The following CNTLN variants were observed in gnomAD, a reference collection of about 807,000 sequenced individuals.
CNTLN encodes centlein, centrosomal protein.
CNTLN carries 212 observed loss-of-function variants against 180.0 expected under a neutral mutation model. The ratio of observed to expected loss-of-function variants is 1.18; its 90% CI spans 1.05 to 1.32. The LOEUF (loss-of-function observed/expected upper bound fraction) is 1.32. Ranked by LOEUF, CNTLN falls within the 40% of genes most tolerant of loss-of-function variation. The probability of loss-of-function intolerance (pLI) is 0.00; values close to 1 mark genes in which losing one functional copy is unlikely to be tolerated. For missense variants in CNTLN, 2,095 were observed against 1,610.9 expected (o/e 1.30, Z -5.14); for synonymous variants, 722 against 563.1 (o/e 1.28, Z -3.99).
chr9:17,425,918 T>C (rs952204011), intron 18 of CNTLN, among the ~76,000 whole-genome samples: 2 of 152,302 alleles, frequency 1.3e-5, no homozygotes, highest in African/African-American at 4.8e-5. Flanking sequence ...TTATTAAGCA[T>C]AAGTATACCA....
At chr9:17,358,169 G>A (rs1823000355) in intron 12 of CNTLN, among the ~76,000 whole-genome samples, 1 of 151,934 alleles carries the variant, frequency 6.6e-6, no homozygotes, top group African/African-American at 2.4e-5. Context: ...CATGAATAAG[G>A]GTGTTCGCTG....
intron 2 of CNTLN, among the ~76,000 whole-genome samples, chr9:17,170,583 A>G (rs932809449): frequency 5.3e-5 from 8 of 152,068 alleles, no homozygotes; most frequent in African/African-American, 1.9e-4. Context: ...GCTTGATTAA[A>G]TCTGATGTTG....
intron 6 of CNTLN, among the ~76,000 whole-genome samples, chr9:17,295,111 G>GCTGGCCGCTCTGA (rs1382054030): frequency 6.6e-6 from 1 of 151,028 alleles, no homozygotes; most frequent in Admixed American, 6.6e-5. Context: ...GGCGGGGCTG[G>GCTGGCCGCTCTGA]CTGGCCGCTC....
chr9:17,465,022 T>C (rs1831665153), intron 21 of CNTLN, among the ~76,000 whole-genome samples: 1 of 151,144 alleles, frequency 6.6e-6, no homozygotes, highest in Non-Finnish European at 1.5e-5. Flanking sequence ...TCTTCTTGGA[T>C]ACCCTTAATG....
intron 2 of CNTLN, among the ~76,000 whole-genome samples, chr9:17,212,919 A>G (rs2131981177): frequency 6.6e-6 from 1 of 151,938 alleles, no homozygotes. Flanking sequence ...ATCATTTTTT[A>G]TTGCGTCTAT....
chr9:17,398,752 G>T (rs987822436), intron 15 of CNTLN, among the ~76,000 whole-genome samples: 1 of 152,108 alleles, frequency 6.6e-6, no homozygotes, highest in Admixed American at 6.5e-5. Context: ...AGAGAAATAA[G>T]AATTTATTGA....
chr9:17,265,852 G>A (rs558540252), intron 5 of CNTLN, among the ~76,000 whole-genome samples: 1 of 152,058 alleles, frequency 6.6e-6, no homozygotes, highest in East Asian at 1.9e-4. Flanking sequence ...TTCTTTCATG[G>A]TTGTTTGTAT....
intron 15 of CNTLN, among the ~76,000 whole-genome samples, chr9:17,396,390 C>T (rs912790663): frequency 6.6e-6 from 1 of 151,806 alleles, no homozygotes; most frequent in African/African-American, 2.4e-5. Context: ...GATAGAACAC[C>T]TCTTTTTTAC....
intron 3 of CNTLN, among the ~76,000 whole-genome samples, chr9:17,229,798 A>C (rs1163492778): frequency 1.3e-5 from 2 of 152,112 alleles, no homozygotes; most frequent in Admixed American, 1.3e-4. Flanking sequence ...GGGTAAAAAC[A>C]GCTGGGGTAA....
chr9:17,195,449 A>G (rs1159347756), intron 2 of CNTLN, among the ~76,000 whole-genome samples: 1 of 152,108 alleles, frequency 6.6e-6, no homozygotes, highest in Non-Finnish European at 1.5e-5. Context: ...ATACTTTCCC[A>G]TCTCAGAACG....
chr9:17,208,791 T>C (rs972389342), intron 2 of CNTLN, among the ~76,000 whole-genome samples: 11 of 152,272 alleles, frequency 7.2e-5, no homozygotes, highest in African/African-American at 2.6e-4. Flanking sequence ...TGAATTTCTG[T>C]GGTATTGGTT....
chr9:17,294,071 TAG>T (rs1192395209), intron 6 of CNTLN, among the ~76,000 whole-genome samples: 1 of 152,168 alleles, frequency 6.6e-6, no homozygotes, highest in Non-Finnish European at 1.5e-5. Flanking sequence ...CAGATGTGTT[TAG>T]AGTTTCTTCC....
At chr9:17,182,846 A>G (rs1192371446) in intron 2 of CNTLN, among the ~76,000 whole-genome samples, 1 of 152,196 alleles carries the variant, frequency 6.6e-6, no homozygotes, top group East Asian at 1.9e-4. Flanking sequence ...TATTTGCCAT[A>G]CTTGCCATGA....
At chr9:17,284,653 CTTA>C (rs1828869795) in intron 6 of CNTLN, among the ~76,000 whole-genome samples, 1 of 151,498 alleles carries the variant, frequency 6.6e-6, no homozygotes, top group African/African-American at 2.4e-5. Flanking sequence ...TTTCTCTTTT[CTTA>C]TTAGTCTAGC....
chr9:17,156,250 T>C (rs1819280760), intron 2 of CNTLN, among the ~76,000 whole-genome samples: 1 of 152,216 alleles, frequency 6.6e-6, no homozygotes, highest in East Asian at 1.9e-4. Context: ...TAGGCCAGTT[T>C]ACAAATTCTG....
the CNTLN span, among the ~76,000 whole-genome samples, chr9:17,516,850 T>C: frequency 6.6e-6 from 1 of 152,214 alleles, no homozygotes; most frequent in Non-Finnish European, 1.5e-5. Flanking sequence ...ATTTTGTCTC[T>C]TTGTTTTGTT....
intron 23 of CNTLN, among the ~76,000 whole-genome samples, chr9:17,473,605 A>C (rs2383019): frequency 0.84 from 123,865 of 147,908 alleles, 54,760 homozygotes; most frequent in Non-Finnish European, 0.97. Context: ...AAAAAAAAAA[A>C]ACAAAACAAA....
At chr9:17,390,600 A>G (rs368624583) in intron 14 of CNTLN, among the ~76,000 whole-genome samples, 2 of 152,294 alleles carry the variant, frequency 1.3e-5, no homozygotes, top group African/African-American at 4.8e-5. Context: ...ATAAGAAAAT[A>G]TGGGCTTGAG....
intron 10 of CNTLN, among the ~76,000 whole-genome samples, chr9:17,334,708 G>T (rs575825614): frequency 6.6e-6 from 1 of 152,058 alleles, no homozygotes; most frequent in African/African-American, 2.4e-5. Context: ...ATAAGTGGGG[G>T]CTAAACCTGA....
Sources: gnomAD v4.1 joint callset for allele counts (sites outside exome capture counted in the v4.1 genomes callset) on GRCh38, gnomAD v4.1.1 for gene constraint, MANE v1.5 for transcripts, NCBI Gene and HGNC (gene_info 2026-07-23, HGNC 2026-07-21) for gene names.